SNX29: variants seen among roughly 807,000 people sequenced by gnomAD.
SNX29 encodes sorting nexin 29, also known as sorting nexin-29.
A neutral mutation model predicts 102.1 loss-of-function variants in SNX29; 78 were observed. The ratio of observed to expected loss-of-function variants is 0.76; its 90% CI spans 0.64 to 0.92. The LOEUF is 0.92. Ranked by LOEUF, SNX29 falls within the 40% of genes least tolerant of loss-of-function variation. SNX29 has a pLI of 0.00. For missense variants in SNX29, 1,280 were observed against 1,061.7 expected, an observed-to-expected ratio of 1.21 and a Z score of -2.86; for synonymous variants, 580 against 414.5, an observed-to-expected ratio of 1.40 and a Z score of -4.85.
At chr16:12,454,645 C>T (rs984223648) in intron 18 of SNX29, among the ~76,000 whole-genome samples, 1 of 152,176 alleles carries the variant, frequency 6.6e-6, no homozygotes, top group African/African-American at 2.4e-5. Context: ...CTGCAAGCCA[C>T]GTCTGGGAAT....
Position 12,572,048 on chromosome 16 carries a change from A to T in SNX29, c.*3419A>T, listed in dbSNP as rs2079199137. The T allele has an allele frequency of 1.9e-6, 2 of 1,063,602 alleles. No individual in the cohort carries two copies. Among genetic ancestry groups the T allele is most frequent in the African/African-American group, 1.6e-5 (1 of 61,086 alleles). 65.9% of individuals were successfully genotyped at this position (1,063,602 alleles called of 1,614,324 possible). A position where few individuals can be genotyped will look rare whatever the true frequency, so the allele number is the denominator to read the frequency against. ...AAAGGGATCATCCAGTGGAGTTGTA[A>T]ACAAGGGAACCATCTTGCAAGATCT... is the stretch of plus-strand genomic sequence containing the variant. On this transcript the variant is annotated 3_prime_UTR_variant, in exon 21 of 21. Transcript: ENST00000566228.
chr16:12,395,330 C>T (rs2083681104), intron 16 of SNX29, among the ~76,000 whole-genome samples: 1 of 152,124 alleles, frequency 6.6e-6, no homozygotes, highest in Non-Finnish European at 1.5e-5. Context: ...CCCATCTGCC[C>T]CAAACAACCC....
intron 14 of SNX29, among the ~76,000 whole-genome samples, chr16:12,202,746 T>C (rs1318860973): frequency 1.3e-5 from 2 of 152,258 alleles, no homozygotes; most frequent in Non-Finnish European, 2.9e-5. Flanking sequence ...TGAAAACTCA[T>C]GCTTTCATTT....
intron 14 of SNX29, among the ~76,000 whole-genome samples, chr16:12,214,292 C>T (rs775206146): frequency 2.0e-5 from 3 of 152,210 alleles, no homozygotes; most frequent in Admixed American, 6.5e-5. Context: ...GCTCCCTCCT[C>T]GGAAGGAGGC....
intron 8 of SNX29, chr16:12,052,442 C>G (rs2050347607): frequency 2.2e-6 from 1 of 460,286 alleles, no homozygotes; most frequent in South Asian, 2.1e-5. Context: ...GTCTCAAACT[C>G]CTGACCTCAA....
intron 16 of SNX29, among the ~76,000 whole-genome samples, chr16:12,390,282 G>A (rs915278993): frequency 2.6e-5 from 4 of 152,032 alleles, no homozygotes; most frequent in African/African-American, 9.7e-5. Context: ...AGCTGGACCA[G>A]CCTCTCTCTT....
chr16:12,572,408 CTG>C lies in SNX29; in HGVS notation c.*3782_*3783del, dbSNP rs372750353. 2.3e-5 allele frequency: 24 copies of C among 1,063,664 alleles called. No homozygotes were observed. Among genetic ancestry groups the C allele is most frequent in the Middle Eastern group, 4.1e-4 (1 of 2,416 alleles). The allele number at this position is 1,063,664 out of a possible 1,614,324, so 65.9% of individuals were successfully genotyped here. On this transcript the variant is annotated 3_prime_UTR_variant, in exon 21 of 21. Transcript: ENST00000566228. Reference sequence around the variant, plus strand: ...TATCCCAACAGCCTGAGGCAGGGCTCTGTGGCCCAGGCCGGCAGTGGCTGCCT... The same window carrying C: ...TATCCCAACAGCCTGAGGCAGGGCTCTGGCCCAGGCCGGCAGTGGCTGCCT...
intron 15 of SNX29, among the ~76,000 whole-genome samples, chr16:12,322,847 C>T (rs897821766): frequency 6.6e-6 from 1 of 151,780 alleles, no homozygotes; most frequent in Non-Finnish European, 1.5e-5. Context: ...GATGCGGTCA[C>T]TAGGGGACCA....
At chr16:12,387,595 G>T (rs1039686409) in intron 16 of SNX29, among the ~76,000 whole-genome samples, 4 of 152,342 alleles carry the variant, frequency 2.6e-5, no homozygotes, top group Admixed American at 6.5e-5. Flanking sequence ...CAGCCAGCAG[G>T]ATGCTGGGCA....
At chr16:12,129,903 G>C in intron 13 of SNX29, 145 bp downstream of exon 13, 1 of 986,080 alleles carries the variant, frequency 1.0e-6, no homozygotes, top group Non-Finnish European at 1.4e-6. Context: ...AGGAGATCGA[G>C]ACCATCCTGG....
At chr16:12,507,922 T>G (rs933262532) in intron 19 of SNX29, among the ~76,000 whole-genome samples, 1 of 152,168 alleles carries the variant, frequency 6.6e-6, no homozygotes, top group Admixed American at 6.5e-5. Context: ...TTTAATTGAA[T>G]GGAGCTTTTG....
At chr16:12,273,716 AT>A (rs34839985) in intron 14 of SNX29, among the ~76,000 whole-genome samples, 1 of 152,072 alleles carries the variant, frequency 6.6e-6, no homozygotes, top group African/African-American at 2.4e-5. Flanking sequence ...ATTCCAGAAC[AT>A]TTTTGTCATG....
chr16:12,040,009 A>G (rs1315613683), intron 4 of SNX29, among the ~76,000 whole-genome samples: 2 of 152,208 alleles, frequency 1.3e-5, no homozygotes, highest in Non-Finnish European at 2.9e-5. Context: ...AATGTTAAAG[A>G]GGCAATGTTA....
intron 18 of SNX29, among the ~76,000 whole-genome samples, chr16:12,421,370 A>T (rs932163541): frequency 6.6e-6 from 1 of 152,214 alleles, no homozygotes; most frequent in Admixed American, 6.5e-5. Flanking sequence ...AAGGTCTCAA[A>T]GGAGGTTTGG....
chr16:12,543,561 A>AC (rs2077442673), intron 20 of SNX29, among the ~76,000 whole-genome samples: 1 of 152,194 alleles, frequency 6.6e-6, no homozygotes, highest in Admixed American at 6.5e-5. Flanking sequence ...CCACTGAGCC[A>AC]CGAGATCACG....
chr16:12,443,145 A>C, intron 18 of SNX29: 1 of 411,354 alleles, frequency 2.4e-6, no homozygotes, highest in Non-Finnish European at 4.8e-6. Context: ...TGCCGGGCCT[A>C]GGGCCTGCGT....
intron 8 of SNX29, among the ~76,000 whole-genome samples, chr16:12,056,972 C>G (rs1388653460): frequency 1.3e-5 from 2 of 152,036 alleles, no homozygotes; most frequent in Non-Finnish European, 2.9e-5. Flanking sequence ...TAGGTACATG[C>G]CACCACGCCC....
chr16:12,310,619 G>T (rs563906426), intron 15 of SNX29, among the ~76,000 whole-genome samples: 33 of 152,376 alleles, frequency 2.2e-4, no homozygotes, highest in African/African-American at 7.0e-4. Context: ...CAGATCACTG[G>T]CGTCTGGCGA....
At chr16:12,162,621 C>CA (rs1366635294) in intron 13 of SNX29, among the ~76,000 whole-genome samples, 1 of 152,178 alleles carries the variant, frequency 6.6e-6, no homozygotes, top group African/African-American at 2.4e-5. Context: ...TAAGAAGCCA[C>CA]AAAAAATACA....
Sources: allele counts gnomAD v4.1 joint callset (sites outside exome capture counted in the v4.1 genomes callset), GRCh38; gene constraint gnomAD v4.1.1; transcripts MANE v1.5; gene names NCBI Gene and HGNC (gene_info 2026-07-23, HGNC 2026-07-21).